Variants in PTCH1 observed in about 807,000 individuals in gnomAD.
The protein encoded by PTCH1 is protein patched homolog 1.
PTCH1 carries 14 observed loss-of-function variants against 144.6 expected under a neutral mutation model. That is an observed-to-expected ratio of 0.10 (90% CI 0.06 to 0.15). PTCH1 has a LOEUF of 0.15. PTCH1 is among the 10% of genes least tolerant of loss of function. The pLI is 1.00. For missense variants in PTCH1, 1,623 were observed against 1,948.3 expected, an observed-to-expected ratio of 0.83 and a Z score of 3.14; for synonymous variants, 833 against 793.6, an observed-to-expected ratio of 1.05 and a Z score of -0.83.
intron 2 of PTCH1, among the ~76,000 whole-genome samples, chr9:95,490,081 C>T (rs1355514621): frequency 6.6e-6 from 1 of 150,966 alleles, no homozygotes; most frequent in Non-Finnish European, 1.5e-5. Flanking sequence ...GGATTACAGG[C>T]GTGAGCCACT....
rs776239984 is a variant in PTCH1, at chr9:95,456,375, G to T, written c.3207C>A (p.Gly1069=). 1 of 1,614,078 alleles carries T rather than the reference G, an allele frequency of 6.2e-7. No homozygotes were observed. The highest frequency in any genetic ancestry group is 1.1e-5 in the South Asian group (1 of 91,078). Residue 1069 remains glycine, a synonymous_variant, in exon 19 of 24, where the codon GGC becomes GGA. Coordinates refer to ENST00000331920, the MANE Select transcript of PTCH1 (RefSeq NM_000264.5). ...GCTTGATTCCGATGAGGCCCATCAT[G>T]CCGAACAGCTCGACCGTCATCAGCG... is the stretch of plus-strand genomic sequence containing the variant. The part of the protein sequence containing the change: ...VLALMTVELF[G]MMGLIGIKLS...
Position 95,480,381 on chromosome 9 carries a change from G to A in PTCH1, c.945+9C>T, listed in dbSNP as rs878853860. 1 of 1,609,800 alleles carries A rather than the reference G, an allele frequency of 6.2e-7. No homozygotes were observed. The highest frequency in any genetic ancestry group is 1.1e-5 in the South Asian group (1 of 90,198). ...CACCCTTCTGAGAGCGCTCACTGCT[G>A]GTACTCACTTTGGTTGAATTTTTGT... is the stretch of plus-strand genomic sequence containing the variant. On this transcript the variant is annotated intron_variant, in intron 6 of 23. Coordinates refer to ENST00000331920, the MANE Select transcript of PTCH1 (RefSeq NM_000264.5).
rs1841030196 is a variant in PTCH1 at position 95,476,295 on chromosome 9, C to A, written c.1603-136G>T. The A allele has an allele frequency of 7.8e-7, 1 of 1,275,828 alleles. No individual in the cohort carries two copies. Among genetic ancestry groups the A allele is most frequent in the African/African-American group, 1.5e-5 (1 of 68,018 alleles). The allele number at this position is 1,275,828 out of a possible 1,614,324, so 79.0% of individuals were successfully genotyped here. A position where few individuals can be genotyped will look rare whatever the true frequency, so the allele number is the denominator to read the frequency against. On this transcript the variant is annotated intron_variant, in intron 11 of 23. Transcript: ENST00000331920. This position sits in a 1 kb window ranked among gnomAD's most constrained non-coding sequence, Gnocchi z 4.6. ...TCATGCTGGCATTAGGGAAACAGAGCCACCTGCCTTACCCCCTAACACCAG... is the reference window on the plus strand; with the variant it reads ...TCATGCTGGCATTAGGGAAACAGAGACACCTGCCTTACCCCCTAACACCAG...
chr9:95,487,507 T>C (rs1369587762), intron 2 of PTCH1, among the ~76,000 whole-genome samples: 1 of 152,198 alleles, frequency 6.6e-6, no homozygotes, highest in East Asian at 1.9e-4. Context: ...GCTTGCTCAC[T>C]CTAGCAGAAA....
At chr9:95,510,920 T>TGCGCCGGGCCG (rs1844118629), upstream of PTCH1, among the ~76,000 whole-genome samples, 1 of 149,820 alleles carries the variant, frequency 6.7e-6, no homozygotes. Context: ...GGGAGGCGGA[T>TGCGCCGGGCCG]GCGCCGGGCC....
rs576033006 is a variant in PTCH1 at position 95,445,586 on chromosome 9, T to A, written c.*807A>T. ...CCGTAGACACGAGGAGAGTCTAGCT[T>A]TTGCCGGGCTGATTTGAAAGGATTA... On this transcript the variant is annotated 3_prime_UTR_variant, in exon 24 of 24. Transcript: ENST00000331920. 6.6e-6 allele frequency: 1 copy of A among 152,334 alleles called. No homozygotes were observed. The highest frequency in any genetic ancestry group is 2.1e-4 in the South Asian group (1 of 4,820). The allele number at this position is 152,334 out of a possible 1,614,324, so 9.4% of individuals were successfully genotyped here. A position where few individuals can be genotyped will look rare whatever the true frequency, so the allele number is the denominator to read the frequency against.
chr9:95,501,786 G>A (rs1843163435), intron 2 of PTCH1, among the ~76,000 whole-genome samples: 1 of 152,166 alleles, frequency 6.6e-6, no homozygotes, highest in Non-Finnish European at 1.5e-5. Context: ...CAGTGAGGGG[G>A]CTGATATGAA....
Position 95,480,419 on chromosome 9 carries a change from C to T in PTCH1, c.916G>A (p.Ala306Thr), listed in dbSNP as rs547776340. The T allele has an allele frequency of 3.4e-5, 54 of 1,610,930 alleles. No individual in the cohort carries two copies. The highest frequency in any genetic ancestry group is 6.6e-5 in the South Asian group (6 of 90,440). ...CLNPADPDCP[A>T]TAPNKNSTKP... ...GTTGAATTTTTGTTGGGGGCTGTGGCGGGGCAGTCTGGATCGGCCGGATTG... is the reference window on the plus strand; with the variant it reads ...GTTGAATTTTTGTTGGGGGCTGTGGTGGGGCAGTCTGGATCGGCCGGATTG... Residue 306 changes from alanine to threonine, a missense_variant, in exon 6 of 24, where the codon GCC becomes ACC. By Grantham distance (58) the Ala-to-Thr change is moderately conservative. Around this residue, in one of 7 missense-constraint regions of PTCH1, gnomAD observed 230 missense variants for 271.0 expected, o/e 0.85. Transcript: ENST00000331920.
At chr9:95,504,308 C>A (rs774333286) in intron 2 of PTCH1, among the ~76,000 whole-genome samples, 101 of 152,164 alleles carry the variant, frequency 6.6e-4, no homozygotes, top group Non-Finnish European at 1.4e-3. Flanking sequence ...CTGGCAGCTC[C>A]CATAAAACTG....
intron 19 of PTCH1, among the ~76,000 whole-genome samples, chr9:95,454,566 GC>G (rs1838755486): frequency 6.6e-6 from 1 of 152,226 alleles, no homozygotes; most frequent in African/African-American, 2.4e-5. Flanking sequence ...CAATATAGCT[GC>G]CTTCTGCTCT....
rs758545894 is a variant in PTCH1 at position 95,516,737 on chromosome 9, C to T, written c.-266G>A. Reference sequence around the variant, plus strand: ...AAAAGGAACGGAAAGTGTAAAAACCCCGGCGCGCTGGGCCGCCGGAGGCTT... The same window carrying T: ...AAAAGGAACGGAAAGTGTAAAAACCTCGGCGCGCTGGGCCGCCGGAGGCTT... On this transcript the variant is annotated 5_prime_UTR_variant, in exon 1 of 23. Transcript: ENST00000430669. 7.4e-6 allele frequency: 12 copies of T among 1,613,370 alleles called. No individual in the cohort carries two copies. Among genetic ancestry groups the T allele is most frequent in the East Asian group, 2.2e-5 (1 of 44,794 alleles).
intron 20 of PTCH1, 168 bp from the exon 21 acceptor site, chr9:95,450,108 CT>C (rs1838336567): frequency 1.5e-6 from 1 of 683,270 alleles, no homozygotes; most frequent in Non-Finnish European, 2.7e-6. Flanking sequence ...TGAGTTTTTG[CT>C]TTTTGTTTCT....
rs1564030910 is a variant in PTCH1, at chr9:95,467,304, A to G, written c.2372T>C (p.Ile791Thr). Residue 791 changes from isoleucine (I) to threonine (T), a missense_variant, in exon 15 of 24, where the codon ATT (isoleucine) becomes ACT (threonine). Physicochemically the swap from Ile to Thr is moderately conservative, Grantham distance 89 (BLOSUM62 -1). Transcript: ENST00000331920. ...VPRETREYDFIAAQFKYFSFY... is the reference protein window; with the variant it reads ...VPRETREYDFTAAQFKYFSFY... ...AGAAAAGTATTTGAATTGTGCAGCAATAAAGTCATATTCTCTGGTTTCCCG... is the reference window on the plus strand; with the variant it reads ...AGAAAAGTATTTGAATTGTGCAGCAGTAAAGTCATATTCTCTGGTTTCCCG... 1 of 1,614,208 alleles carries G rather than the reference A, an allele frequency of 6.2e-7. No homozygotes were observed. The highest frequency in any genetic ancestry group is 8.5e-7 in the Non-Finnish European group (1 of 1,180,024).
Position 95,443,912 on chromosome 9 carries a change from A to T in PTCH1, c.*2481T>A, listed in dbSNP as rs1588502742. 6.6e-6 allele frequency: 1 copy of T among 152,598 alleles called. No individual in the cohort carries two copies. The highest frequency in any genetic ancestry group is 1.9e-4 in the East Asian group (1 of 5,198). 9.5% of individuals were successfully genotyped at this position (152,598 alleles called of 1,614,324 possible). ...AAACCTACCATGAGTCCTTAATGTA[A>T]ATGTTATATACTCTGAACTATTTAA... On this transcript the variant is annotated 3_prime_UTR_variant, in exon 24 of 24. Coordinates refer to ENST00000331920, the MANE Select transcript of PTCH1 (RefSeq NM_000264.5).
Position 95,508,367 on chromosome 9 carries a change from C to T in PTCH1, c.-6G>A. On this transcript the variant is annotated 5_prime_UTR_variant, in exon 1 of 24. Transcript: ENST00000331920. ...GCGTTACCAGCCGAGGCCATGTTGC[C>T]GCCGCCGCCGCCGCCGCCGCGGGGA... The T allele has an allele frequency of 2.0e-6, 2 of 983,426 alleles. No individual in the cohort carries two copies. The highest frequency in any genetic ancestry group is 5.1e-5 in the South Asian group (1 of 19,704). 60.9% of individuals were successfully genotyped at this position (983,426 alleles called of 1,614,324 possible).
At position 95,467,209 on chromosome 9, in the gene PTCH1, G is replaced by A. The variant is rs370915763; in HGVS notation, c.2467C>T (p.His823Tyr). 5 of 1,614,088 alleles carry A rather than the reference G, an allele frequency of 3.1e-6. No individual in the cohort carries two copies. In the African/African-American group the frequency reaches 5.3e-5, roughly 17 times the overall value. Residue 823 changes from histidine to tyrosine, a missense_variant, in exon 15 of 24, where the codon CAC becomes TAC. Physicochemically the swap from His to Tyr is moderately conservative, Grantham distance 83. Coordinates refer to ENST00000331920, the MANE Select transcript of PTCH1 (RefSeq NM_000264.5). ...PNIQHLLYDL[H>Y]RSFSNVKYVM... Reference sequence around the variant, plus strand: ...TACTTCACGTTACTGAAACTCCTGTGTAGGTCGTAAAGTAAGTGCTGGATA... The same window carrying A: ...TACTTCACGTTACTGAAACTCCTGTATAGGTCGTAAAGTAAGTGCTGGATA...
At chr9:95,508,075 G>A in intron 1 of PTCH1, 86 bp downstream of exon 1, 3 of 1,588,404 alleles carry the variant, frequency 1.9e-6, no homozygotes, top group South Asian at 1.1e-5. Context: ...GAGAGGAAGA[G>A]AGTGTGTGTG....
chr9:95,446,430 G>A, intron 23 of PTCH1, 39 bp from the exon 24 acceptor site: 1 of 518,708 alleles, frequency 1.9e-6, no homozygotes, highest in Non-Finnish European at 3.8e-6. Context: ...AACAGAGTAA[G>A]AGGTGTGCAA....
At chr9:95,504,663 A>G (rs1360629883) in intron 2 of PTCH1, among the ~76,000 whole-genome samples, 1 of 151,928 alleles carries the variant, frequency 6.6e-6, no homozygotes, top group African/African-American at 2.4e-5. Context: ...AGCCAATCAC[A>G]TCACTTCCAA....
Sources: gnomAD v4.1 joint callset for allele counts (sites outside exome capture counted in the v4.1 genomes callset) on GRCh38, gnomAD v4.1.1 for gene constraint, gnomAD v4.1.1 regional missense constraint, Gnocchi (gnomAD v3.1) non-coding constraint, MANE v1.5 for transcripts, NCBI Gene and HGNC (gene_info 2026-07-23, HGNC 2026-07-21) for gene names.